The following LDLRAD4 variants were observed in gnomAD, a reference collection of about 807,000 sequenced individuals.
LDLRAD4 encodes low density lipoprotein receptor class A domain containing 4.
LDLRAD4 carries 5 observed loss-of-function variants against 17.0 expected under a neutral mutation model. The ratio of observed to expected loss-of-function variants is 0.29; its 90% CI spans 0.15 to 0.62. The LOEUF is 0.62. Among genes scored for constraint, LDLRAD4 ranks in the 20% least tolerant of loss-of-function variants. The pLI is 0.84. For synonymous variants in LDLRAD4, 168 were observed against 171.8 expected, an observed-to-expected ratio of 0.98 and a Z score of 0.17; for missense variants, 340 against 424.7, an observed-to-expected ratio of 0.80 and a Z score of 1.75.
intron 3 of LDLRAD4, chr18:13,487,530 T>C (rs182326063): frequency 2.0e-5 from 3 of 152,406 alleles, no homozygotes; most frequent in East Asian, 3.9e-4. Context: ...AACTTCTCTG[T>C]GCTCCACCTC....
chr18:13,404,017 C>T (rs967361472), intron 2 of LDLRAD4, among the ~76,000 whole-genome samples: 3 of 152,216 alleles, frequency 2.0e-5, no homozygotes, highest in South Asian at 2.1e-4. Context: ...GAGGCTGAGG[C>T]GGGGCCTCTT....
At chr18:13,308,156 A>C (rs1442276158) in intron 1 of LDLRAD4, among the ~76,000 whole-genome samples, 3 of 152,074 alleles carry the variant, frequency 2.0e-5, no homozygotes, top group African/African-American at 7.2e-5. Flanking sequence ...TTCGACACTC[A>C]ATGTGCCTTA....
chr18:13,274,698 A>C (rs567685901), upstream of LDLRAD4, among the ~76,000 whole-genome samples: 2 of 152,306 alleles, frequency 1.3e-5, no homozygotes, highest in Admixed American at 6.5e-5. Context: ...TCTTTTAAGT[A>C]ATTGTATTGA....
At chr18:13,620,361 C>G (rs1422743473) in intron 3 of LDLRAD4, among the ~76,000 whole-genome samples, 2 of 152,232 alleles carry the variant, frequency 1.3e-5, no homozygotes, top group African/African-American at 4.8e-5. Flanking sequence ...ATTTACATCA[C>G]TGCACGGTCA....
At chr18:13,647,216 T>A (rs1421678105) in exon 6 of LDLRAD4, 1 of 151,672 alleles carries the variant, frequency 6.6e-6, no homozygotes, top group Non-Finnish European at 1.5e-5. Context: ...TAATTTTAAA[T>A]ATTGTTAGTT....
In LDLRAD4 at chr18:13,297,207, G is replaced by T. The variant is rs184444539; in HGVS notation, c.-383+19019G>T. On this transcript the variant is annotated intron_variant, in intron 1 of 5. Coordinates refer to ENST00000359446, the Ensembl canonical transcript of LDLRAD4. ...TCCCCGAGGATGTTCGCTGAGCAGG[G>T]ATCAGAGCTAAGCCACTCTGGGTAC... Among the ~76,000 whole-genome samples the T allele has an allele frequency of 7.6e-3, 1,161 of 152,306 alleles. 21 individuals carry two copies. The highest frequency in any genetic ancestry group is 0.027 in the African/African-American group (1,102 of 41,554).
chr18:13,416,080 C>G (rs544576237), intron 2 of LDLRAD4, among the ~76,000 whole-genome samples: 1 of 152,202 alleles, frequency 6.6e-6, no homozygotes, highest in African/African-American at 2.4e-5. Flanking sequence ...ATGAAGAGAT[C>G]GGGCTGGCGG....
chr18:13,641,262 C>T (rs960547629), intron 4 of LDLRAD4, among the ~76,000 whole-genome samples: 5 of 152,118 alleles, frequency 3.3e-5, no homozygotes, highest in African/African-American at 1.2e-4. Context: ...ATAGCGAGAT[C>T]CCCATCTCAA....
At position 13,517,812 on chromosome 18, in the gene LDLRAD4, C is replaced by T. The variant is rs1206839680; in HGVS notation, c.181+79428C>T. 2.0e-5 allele frequency among the ~76,000 whole-genome samples: 3 copies of T among 152,070 alleles called. No individual in the cohort carries two copies. In the East Asian group the frequency reaches 5.8e-4, roughly 29 times the overall value. Reference sequence around the variant, plus strand: ...GGAGTGCAGTGGTGCGATCTCAGCTCACTGCAAGCTCTGCCTCCCGGGCTC... The same window carrying T: ...GGAGTGCAGTGGTGCGATCTCAGCTTACTGCAAGCTCTGCCTCCCGGGCTC... On this transcript the variant is annotated intron_variant, in intron 3 of 5. Coordinates refer to ENST00000359446, the Ensembl canonical transcript of LDLRAD4.
At chr18:13,423,334 A>G (rs1274289980) in intron 2 of LDLRAD4, among the ~76,000 whole-genome samples, 3 of 151,974 alleles carry the variant, frequency 2.0e-5, no homozygotes, top group Non-Finnish European at 4.4e-5. Flanking sequence ...CTCTACTAAA[A>G]ATACAAAAAT....
intron 1 of LDLRAD4, among the ~76,000 whole-genome samples, chr18:13,266,931 C>T (rs1408279329): frequency 1.3e-5 from 2 of 152,212 alleles, no homozygotes; most frequent in South Asian, 2.1e-4. Context: ...AAATCTTTTA[C>T]GTCGACTGAA....
rs188703661 is a variant in LDLRAD4, at chr18:13,465,853, G to A, written c.181+27469G>A. ...GTATAAACCGTAATGCTGTAAGTTA[G>A]GCCTCTCTTGTCTAGAATCTCAGCC... On this transcript the variant is annotated intron_variant, in intron 3 of 5. Coordinates refer to ENST00000359446, the Ensembl canonical transcript of LDLRAD4. Among the ~76,000 whole-genome samples the A allele has an allele frequency of 7.8e-4, 119 of 152,192 alleles. 1 individual carries two copies. The highest frequency in any genetic ancestry group is 2.7e-3 in the African/African-American group (113 of 41,514).
At chr18:13,430,303 C>A (rs550305116) in intron 2 of LDLRAD4, among the ~76,000 whole-genome samples, 10 of 152,318 alleles carry the variant, frequency 6.6e-5, no homozygotes, top group Admixed American at 6.5e-4. Context: ...GCTCCTGTTG[C>A]GCTTCATGAT....
Position 13,578,827 on chromosome 18 carries a change from CTTTTTTTTTTT to C in LDLRAD4, c.182-42272_182-42262del, listed in dbSNP as rs1003295658. On this transcript the variant is annotated intron_variant, in intron 3 of 5. Transcript: ENST00000359446. ...TGACCCATTTAAAAGTTGTCCGGGTCTTTTTTTTTTTTTTTTTTTTTTTTTTTTGTCAGAGA... is the reference window on the plus strand; with the variant it reads ...TGACCCATTTAAAAGTTGTCCGGGTCTTTTTTTTTTTTTTTTTGTCAGAGA... Among the ~76,000 whole-genome samples the C allele has an allele frequency of 6.5e-4, 43 of 65,700 alleles. 1 individual carries two copies. The highest frequency in any genetic ancestry group is 1.6e-3 in the Admixed American group (8 of 5,002). The allele number at this position is 65,700 out of a possible 152,430, so 43.1% of individuals were successfully genotyped here.
intron 2 of LDLRAD4, 93 bp downstream of exon 3, chr18:13,387,855 G>T: frequency 8.7e-7 from 1 of 1,144,762 alleles, no homozygotes; most frequent in Non-Finnish European, 1.3e-6. Context: ...TACCTTTGCA[G>T]TCAGGAGCTG....
intron 4 of LDLRAD4, among the ~76,000 whole-genome samples, chr18:13,637,694 C>T (rs180711245): frequency 1.2e-3 from 184 of 151,780 alleles, no homozygotes; most frequent in South Asian, 1.7e-3. Context: ...GGTGAAACCC[C>T]GTCTCTACTA....
intron 3 of LDLRAD4, among the ~76,000 whole-genome samples, chr18:13,556,702 G>T (rs997625513): frequency 1.3e-5 from 2 of 152,110 alleles, no homozygotes; most frequent in Admixed American, 6.5e-5. Context: ...TGGGATACAC[G>T]GGAATATGTT....
rs143011367 is a variant in LDLRAD4, at chr18:13,333,814, A to G, written c.-382-53527A>G. Reference sequence around the variant, plus strand: ...CTGTCTCCATTACTGTAGATTTATAATAAGTCTTAAAGTCAGGTAGTGCTA... The same window carrying G: ...CTGTCTCCATTACTGTAGATTTATAGTAAGTCTTAAAGTCAGGTAGTGCTA... On this transcript the variant is annotated intron_variant, in intron 1 of 5. Coordinates refer to ENST00000359446, the Ensembl canonical transcript of LDLRAD4. Among the ~76,000 whole-genome samples the G allele has an allele frequency of 3.2e-3, 493 of 152,328 alleles. 2 individuals are homozygous for G. The highest frequency in any genetic ancestry group is 5.2e-3 in the Admixed American group (79 of 15,308).
intron 1 of LDLRAD4, among the ~76,000 whole-genome samples, chr18:13,312,689 C>T (rs567882962): frequency 1.3e-5 from 2 of 152,236 alleles, no homozygotes; most frequent in East Asian, 3.9e-4. Context: ...CTGTAGTGAG[C>T]TGTGATCGCA....
Sources: gnomAD v4.1 joint callset for allele counts (sites outside exome capture counted in the v4.1 genomes callset) on GRCh38, gnomAD v4.1.1 for gene constraint, MANE v1.5 for transcripts, NCBI Gene and HGNC (gene_info 2026-07-23, HGNC 2026-07-21) for gene names.